Variants in KIF26B observed in about 807,000 individuals in gnomAD.
The protein encoded by KIF26B is kinesin family member 26B.
Under a neutral mutation model 151.2 loss-of-function variants are expected in KIF26B, and 63 were observed. That is an observed-to-expected ratio of 0.42 (90% CI 0.34 to 0.51). The LOEUF is 0.51. Among genes scored for constraint, KIF26B ranks in the 20% least tolerant of loss-of-function variants. The pLI is 0.07. For synonymous variants in KIF26B, 1,357 were observed against 1,262.1 expected, an observed-to-expected ratio of 1.08 and a Z score of -1.59; for missense variants, 2,813 against 2,913.6, an observed-to-expected ratio of 0.97 and a Z score of 0.79.
chr1:245,586,158 AGTGTGTGTGTGTGTGTGTGTGT>A (rs10526699), intron 5 of KIF26B, among the ~76,000 whole-genome samples: 1 of 142,090 alleles, frequency 7.0e-6, no homozygotes, highest in Non-Finnish European at 1.5e-5. Context: ...CACCATGACC[AGTGTGTGTGTGTGTGTGTGTGT>A]GTGTGTGTGT....
chr1:245,636,194 T>G (rs1253420199), intron 9 of KIF26B, among the ~76,000 whole-genome samples: 3 of 152,138 alleles, frequency 2.0e-5, no homozygotes, highest in African/African-American at 4.8e-5. Context: ...ATATCAGTTT[T>G]GAGATGGGGG....
intron 5 of KIF26B, among the ~76,000 whole-genome samples, chr1:245,552,273 C>G (rs1032446773): frequency 2.0e-5 from 3 of 151,682 alleles, no homozygotes; most frequent in African/African-American, 4.8e-5. Flanking sequence ...AGCTGGAGTC[C>G]AAAGGCGGGC....
At chr1:245,639,725 T>C (rs1269005675) in intron 9 of KIF26B, among the ~76,000 whole-genome samples, 1 of 151,974 alleles carries the variant, frequency 6.6e-6, no homozygotes, top group Non-Finnish European at 1.5e-5. Flanking sequence ...CATTGACCCA[T>C]TGATCATCCA....
chr1:245,646,286 TGACTCTTCTACTCAAA>T lies in KIF26B; in HGVS notation c.2258+9_2258+24del, dbSNP rs778558458. 8 of 1,613,282 alleles carry T rather than the reference TGACTCTTCTACTCAAA, an allele frequency of 5.0e-6. No individual in the cohort carries two copies. Among genetic ancestry groups the T allele is most frequent in the South Asian group, 2.2e-5 (2 of 90,838 alleles). ...AGCAAACACATTCCATACAAGTAAG[TGACTCTTCTACTCAAA>T]GAATGTGGTGGGGTAAGCATGGTGT... On this transcript the variant is annotated splice_region_variant and intron_variant, in intron 10 of 14. Coordinates refer to ENST00000407071, the MANE Select transcript of KIF26B (RefSeq NM_018012.4).
intron 2 of KIF26B, among the ~76,000 whole-genome samples, chr1:245,275,464 C>CT (rs1250840426): frequency 1.3e-5 from 2 of 152,100 alleles, no homozygotes; most frequent in African/African-American, 4.8e-5. Flanking sequence ...GGTTTTAGGT[C>CT]TTACGTTTAA....
intron 10 of KIF26B, among the ~76,000 whole-genome samples, chr1:245,681,199 G>C (rs1157980783): frequency 6.7e-6 from 1 of 148,288 alleles, no homozygotes; most frequent in African/African-American, 2.5e-5. Context: ...CCGGTCTTTG[G>C]TAAGTTTTCT....
At chr1:245,185,305 G>GT (rs1668981049) in intron 2 of KIF26B, among the ~76,000 whole-genome samples, 1 of 151,776 alleles carries the variant, frequency 6.6e-6, no homozygotes, top group East Asian at 1.9e-4. Context: ...CACCTGGCTA[G>GT]TTTTTGTATT....
At chr1:245,452,037 T>G (rs1420801046) in intron 4 of KIF26B, among the ~76,000 whole-genome samples, 1 of 152,246 alleles carries the variant, frequency 6.6e-6, no homozygotes, top group Non-Finnish European at 1.5e-5. Context: ...CACCATTACC[T>G]GTTTTCAAAA....
chr1:245,581,738 G>T (rs1411903367), intron 5 of KIF26B, among the ~76,000 whole-genome samples: 1 of 152,012 alleles, frequency 6.6e-6, no homozygotes, highest in African/African-American at 2.4e-5. Flanking sequence ...TACCTTTCTG[G>T]GTCTCAGGGA....
chr1:245,577,068 T>A (rs1290920077), intron 5 of KIF26B, among the ~76,000 whole-genome samples: 2 of 152,228 alleles, frequency 1.3e-5, no homozygotes, highest in Admixed American at 1.3e-4. Flanking sequence ...AATTTTATGC[T>A]TCACCATCGA....
intron 2 of KIF26B, among the ~76,000 whole-genome samples, chr1:245,177,061 C>T (rs1668820919): frequency 6.6e-6 from 1 of 152,310 alleles, no homozygotes; most frequent in South Asian, 2.1e-4. Flanking sequence ...CTCAAGCGAT[C>T]TGCTTGCCTC....
chr1:245,674,665 G>C (rs1291780563), intron 10 of KIF26B, among the ~76,000 whole-genome samples: 1 of 152,130 alleles, frequency 6.6e-6, no homozygotes, highest in Non-Finnish European at 1.5e-5. Context: ...TCCTGATTAT[G>C]CTACATTGAA....
chr1:245,498,505 G>A (rs181787711), intron 4 of KIF26B, among the ~76,000 whole-genome samples: 67 of 152,280 alleles, frequency 4.4e-4, no homozygotes, highest in African/African-American at 1.5e-3. Context: ...GCGGGAGAGA[G>A]CCCAGCAGTT....
At position 245,367,370 on chromosome 1, in the gene KIF26B, A is replaced by C. The variant is rs1244608838; in HGVS notation, c.999+3A>C. ...GGGTCACCCTGTACCCATACCAGGT[A>C]AGTAGCCTGTGTGAGCCAGGAAGAG... On this transcript the variant is annotated splice_donor_region_variant and intron_variant, in intron 3 of 14. Transcript: ENST00000407071. The surrounding 1 kb of genome is among the most constrained non-coding windows in gnomAD (Gnocchi z 4.2). 1 of 1,579,080 alleles carries C rather than the reference A, an allele frequency of 6.3e-7. No individual in the cohort carries two copies. Among genetic ancestry groups the C allele is most frequent in the Non-Finnish European group, 8.6e-7 (1 of 1,161,336 alleles).
chr1:245,593,035 C>A (rs994020191), intron 5 of KIF26B, among the ~76,000 whole-genome samples: 1 of 151,942 alleles, frequency 6.6e-6, no homozygotes, highest in East Asian at 1.9e-4. Context: ...CTCTTTGGTA[C>A]CCCAAAAAAC....
intron 4 of KIF26B, among the ~76,000 whole-genome samples, chr1:245,539,733 A>G (rs1161891234): frequency 1.3e-5 from 2 of 152,042 alleles, no homozygotes; most frequent in Non-Finnish European, 1.5e-5. Flanking sequence ...GCTCACTGCA[A>G]CCTCCGCCTC....
chr1:245,408,349 C>CTTTTTTTTT (rs58724712), intron 3 of KIF26B, among the ~76,000 whole-genome samples: 1 of 113,330 alleles, frequency 8.8e-6, no homozygotes, highest in Non-Finnish European at 1.8e-5. Flanking sequence ...TTAAATGATT[C>CTTTTTTTTT]TTTTTTTTTT....
intron 2 of KIF26B, among the ~76,000 whole-genome samples, chr1:245,222,777 G>T (rs1478072893): frequency 6.6e-6 from 1 of 152,106 alleles, no homozygotes; most frequent in Non-Finnish European, 1.5e-5. Context: ...TCGACAAATT[G>T]TAATGACATA....
intron 2 of KIF26B, among the ~76,000 whole-genome samples, chr1:245,217,124 C>T (rs937349336): frequency 2.0e-5 from 3 of 152,282 alleles, no homozygotes; most frequent in Admixed American, 2.0e-4. Flanking sequence ...ATGTCCAATT[C>T]CCCTCTGATT....
Sources: gnomAD v4.1 joint callset for allele counts (sites outside exome capture counted in the v4.1 genomes callset) on GRCh38, gnomAD v4.1.1 for gene constraint, Gnocchi (gnomAD v3.1) non-coding constraint, MANE v1.5 for transcripts, NCBI Gene and HGNC (gene_info 2026-07-23, HGNC 2026-07-21) for gene names.